SEMA3A: variants seen among roughly 807,000 people sequenced by gnomAD.
The protein encoded by SEMA3A is semaphorin 3A, also known as semaphorin-3A.
In SEMA3A, 29 loss-of-function variants were observed where a neutral mutation model predicts 97.9. The ratio of observed to expected loss-of-function variants is 0.30; its 90% CI spans 0.22 to 0.40. The LOEUF (loss-of-function observed/expected upper bound fraction) is 0.40. SEMA3A is among the 10% of genes least tolerant of loss of function. The pLI, the probability that SEMA3A is intolerant of heterozygous loss-of-function variation, is 1.00. For missense variants in SEMA3A, 763 were observed against 951.3 expected (o/e 0.80, Z 2.60); for synonymous variants, 321 against 323.7 (o/e 0.99, Z 0.09).
rs532125616 is a variant in SEMA3A at position 84,422,440 on chromosome 7, CT to C, written c.-245-50541del. 1.4e-4 allele frequency among the ~76,000 whole-genome samples: 22 copies of C among 152,016 alleles called. No homozygotes were observed. In the East Asian group the frequency reaches 4.1e-3, roughly 28 times the overall value. ...TTTATTGGTCTGGCTATCCATCTATCTATTTTGTTAATCTTTTCAAAAAACC... is the reference window on the plus strand; with the variant it reads ...TTTATTGGTCTGGCTATCCATCTATCATTTTGTTAATCTTTTCAAAAAACC... On this transcript the variant is annotated intron_variant, in intron 1 of 3. Transcript: ENST00000424555.
chr7:84,094,966 T>G (rs1794712031), intron 4 of SEMA3A, among the ~76,000 whole-genome samples: 1 of 151,646 alleles, frequency 6.6e-6, no homozygotes, highest in African/African-American at 2.4e-5. Context: ...ATTAATTATA[T>G]TGTTTATATA....
chr7:84,033,089 A>G (rs1176107432), intron 6 of SEMA3A, among the ~76,000 whole-genome samples: 1 of 152,152 alleles, frequency 6.6e-6, no homozygotes, highest in Non-Finnish European at 1.5e-5. Flanking sequence ...TGGCTGTTTT[A>G]TAACTATTTA....
At chr7:84,421,685 C>T (rs1363535870) in intron 1 of SEMA3A, among the ~76,000 whole-genome samples, 6 of 151,980 alleles carry the variant, frequency 3.9e-5, no homozygotes, top group Admixed American at 6.6e-5. Context: ...TTTTGAGATA[C>T]GTTCCATCAA....
chr7:84,140,954 T>C (rs984246081), intron 1 of SEMA3A, among the ~76,000 whole-genome samples: 2 of 152,294 alleles, frequency 1.3e-5, no homozygotes, highest in East Asian at 3.9e-4. Flanking sequence ...TCTTCAGAGA[T>C]AAATAAATTT....
rs748814919 is a variant in SEMA3A at position 84,146,301 on chromosome 7, ACTGT to A, written c.113-11354_113-11351del. 4.6e-5 allele frequency among the ~76,000 whole-genome samples: 7 copies of A among 152,284 alleles called. No homozygotes were observed. In the South Asian group the frequency reaches 1.5e-3, roughly 32 times the overall value. On this transcript the variant is annotated intron_variant, in intron 1 of 16. Transcript: ENST00000265362. ...ATTAAAGATCTAGAGGGATCTTTAG[ACTGT>A]CTGAAGTCTGACTACTTGCATTTAG...
intron 3 of SEMA3A, among the ~76,000 whole-genome samples, chr7:84,127,930 C>T (rs1450779982): frequency 6.6e-6 from 1 of 152,052 alleles, no homozygotes; most frequent in Non-Finnish European, 1.5e-5. Flanking sequence ...GTATTTTAAA[C>T]ATCCCCAAAT....
chr7:84,379,645 C>G (rs917708446), intron 1 of SEMA3A, among the ~76,000 whole-genome samples: 2 of 151,878 alleles, frequency 1.3e-5, no homozygotes, highest in African/African-American at 2.4e-5. Context: ...AAATCACCCC[C>G]TTATTTCATA....
At chr7:84,027,270 C>T (rs1287901807) in intron 6 of SEMA3A, among the ~76,000 whole-genome samples, 2 of 152,156 alleles carry the variant, frequency 1.3e-5, no homozygotes, top group African/African-American at 2.4e-5. Flanking sequence ...TATCTTACCA[C>T]TTGGGATTCC....
chr7:84,385,617 A>G (rs921408537), intron 1 of SEMA3A, among the ~76,000 whole-genome samples: 2 of 152,122 alleles, frequency 1.3e-5, no homozygotes, highest in African/African-American at 4.8e-5. Flanking sequence ...CTCTCAATAT[A>G]ACAGGGTTAC....
At chr7:84,290,216 A>AAATTGGTG (rs2115780684) in intron 3 of SEMA3A, among the ~76,000 whole-genome samples, 1 of 152,180 alleles carries the variant, frequency 6.6e-6, no homozygotes, top group East Asian at 1.9e-4. Flanking sequence ...TGTATACTTA[A>AAATTGGTG]AATTGGTGAA....
chr7:84,168,459 A>G (rs1797283427), intron 1 of SEMA3A, among the ~76,000 whole-genome samples: 1 of 151,996 alleles, frequency 6.6e-6, no homozygotes, highest in Admixed American at 6.6e-5. Context: ...AGGTCTTTTT[A>G]CATGAAAAAC....
intron 4 of SEMA3A, among the ~76,000 whole-genome samples, chr7:84,101,490 T>C (rs1794956628): frequency 6.6e-6 from 1 of 152,186 alleles, no homozygotes; most frequent in Non-Finnish European, 1.5e-5. Flanking sequence ...TTAAAACCAC[T>C]GTGCAACTAT....
At chr7:84,142,247 A>T (rs1022996530) in intron 1 of SEMA3A, among the ~76,000 whole-genome samples, 1 of 152,218 alleles carries the variant, frequency 6.6e-6, no homozygotes, top group Non-Finnish European at 1.5e-5. Flanking sequence ...TATTATGTAT[A>T]ACACGTAGAC....
chr7:84,314,613 T>C (rs78323294), intron 2 of SEMA3A, among the ~76,000 whole-genome samples: 6,707 of 152,274 alleles, frequency 0.044, 484 homozygotes, highest in African/African-American at 0.15. Context: ...TGTAATAAGC[T>C]ATATAGATAG....
At chr7:84,073,381 C>G (rs1793816253) in intron 4 of SEMA3A, among the ~76,000 whole-genome samples, 1 of 151,320 alleles carries the variant, frequency 6.6e-6, no homozygotes, top group South Asian at 2.1e-4. Flanking sequence ...GAAAATAGCA[C>G]CAGCAAAATT....
At chr7:84,048,547 T>C (rs1025825368) in intron 5 of SEMA3A, among the ~76,000 whole-genome samples, 1 of 151,968 alleles carries the variant, frequency 6.6e-6, no homozygotes, top group African/African-American at 2.4e-5. Context: ...TGTCAAAACA[T>C]CATGCAAATT....
intron 15 of SEMA3A, among the ~76,000 whole-genome samples, chr7:83,974,052 C>G (rs527368430): frequency 6.6e-6 from 1 of 152,070 alleles, no homozygotes; most frequent in South Asian, 2.1e-4. Context: ...TTGTACACAG[C>G]AATTATTTTA....
chr7:84,108,762 G>A (rs1010944055), intron 4 of SEMA3A, among the ~76,000 whole-genome samples: 6 of 151,918 alleles, frequency 3.9e-5, no homozygotes, highest in Admixed American at 6.6e-5. Context: ...AAAATTAGCC[G>A]GACATGTCGG....
chr7:84,147,304 G>A (rs1007555848), intron 1 of SEMA3A, among the ~76,000 whole-genome samples: 19 of 152,180 alleles, frequency 1.2e-4, no homozygotes, highest in African/African-American at 4.6e-4. Flanking sequence ...CAAAATGAGT[G>A]CTTTTGGAGA....
Sources: allele counts gnomAD v4.1 joint callset (sites outside exome capture counted in the v4.1 genomes callset), GRCh38; gene constraint gnomAD v4.1.1; transcripts MANE v1.5; gene names NCBI Gene and HGNC (gene_info 2026-07-23, HGNC 2026-07-21).